The following PRDM1 variants were observed in gnomAD, a reference collection of about 807,000 sequenced individuals.
PRDM1 encodes PR/SET domain 1.
A neutral mutation model predicts 62.8 loss-of-function variants in PRDM1; 13 were observed. That is an observed-to-expected ratio of 0.21 (90% CI 0.13 to 0.33). The LOEUF is 0.33. Ranked by LOEUF, PRDM1 falls within the 10% of genes least tolerant of loss-of-function variation. PRDM1 has a pLI of 1.00. For synonymous variants in PRDM1, 396 were observed against 417.6 expected, an observed-to-expected ratio of 0.95 and a Z score of 0.63; for missense variants, 895 against 1,058.8, an observed-to-expected ratio of 0.85 and a Z score of 2.15.
intron 1 of PRDM1, among the ~76,000 whole-genome samples, chr6:106,035,456 C>T (rs1047161132): frequency 2.6e-5 from 4 of 152,004 alleles, no homozygotes; most frequent in African/African-American, 9.7e-5. Flanking sequence ...ACCCCCCTCC[C>T]CGTCTCTATA....
At chr6:106,077,218 T>G (rs1196204640) in intron 1 of PRDM1, among the ~76,000 whole-genome samples, 2 of 152,210 alleles carry the variant, frequency 1.3e-5, no homozygotes, top group East Asian at 3.9e-4. Flanking sequence ...CCTTCACAGA[T>G]GGGAGCTGAG....
intron 1 of PRDM1, among the ~76,000 whole-genome samples, chr6:105,999,097 C>T (rs1278900900): frequency 6.6e-6 from 1 of 151,718 alleles, no homozygotes; most frequent in African/African-American, 2.4e-5. Context: ...GCCACCATAC[C>T]CAGCTAATTT....
At chr6:106,026,908 C>T (rs1772773985) in intron 1 of PRDM1, among the ~76,000 whole-genome samples, 1 of 152,206 alleles carries the variant, frequency 6.6e-6, no homozygotes, top group South Asian at 2.1e-4. Flanking sequence ...AAACGAGTCA[C>T]AGCAGTAAGT....
chr6:105,998,866 C>A, intron 1 of PRDM1, among the ~76,000 whole-genome samples: 1 of 146,106 alleles, frequency 6.8e-6, no homozygotes. Flanking sequence ...TATTGTTTTG[C>A]ATTGGGATTT....
intron 1 of PRDM1, among the ~76,000 whole-genome samples, chr6:106,017,927 T>C (rs1772643842): frequency 6.6e-6 from 1 of 152,104 alleles, no homozygotes; most frequent in African/African-American, 2.4e-5. Flanking sequence ...CCTCTGGCTT[T>C]TGGAGAAATG....
At chr6:106,004,313 A>G (rs368480297) in intron 1 of PRDM1, among the ~76,000 whole-genome samples, 1 of 152,188 alleles carries the variant, frequency 6.6e-6, no homozygotes, top group Admixed American at 6.5e-5. Context: ...TAGAAAAAAA[A>G]CAGTAACATA....
chr6:106,090,077 G>T (rs541690087), intron 2 of PRDM1, among the ~76,000 whole-genome samples: 51 of 152,328 alleles, frequency 3.3e-4, no homozygotes, highest in African/African-American at 1.2e-3. Context: ...GGTTCAGAAA[G>T]ACAGTCACTT....
intron 1 of PRDM1, among the ~76,000 whole-genome samples, chr6:106,073,756 G>T (rs1260101966): frequency 9.2e-5 from 14 of 152,182 alleles, no homozygotes; most frequent in Non-Finnish European, 1.5e-4. Context: ...GAGGAGGGAG[G>T]CCTGGCTATA....
At chr6:106,076,611 T>C (rs1358363368) in intron 1 of PRDM1, among the ~76,000 whole-genome samples, 6 of 152,198 alleles carry the variant, frequency 3.9e-5, no homozygotes, top group Non-Finnish European at 4.4e-5. Flanking sequence ...TCTGAATTAA[T>C]ATTATATGAG....
intron 1 of PRDM1, among the ~76,000 whole-genome samples, chr6:105,999,327 G>A (rs1053850679): frequency 2.5e-4 from 38 of 151,992 alleles, no homozygotes; most frequent in African/African-American, 8.5e-4. Flanking sequence ...GAGGCAAGGT[G>A]GGAGGATCAC....
chr6:106,104,454 G>A (rs6902386), intron 4 of PRDM1, among the ~76,000 whole-genome samples: 5,920 of 152,158 alleles, frequency 0.039, 355 homozygotes, highest in African/African-American at 0.13. Flanking sequence ...CAGGTGATCC[G>A]CCCACCTCGG....
intron 1 of PRDM1, among the ~76,000 whole-genome samples, chr6:106,037,796 T>C (rs1490870645): frequency 6.6e-6 from 1 of 151,958 alleles, no homozygotes; most frequent in Non-Finnish European, 1.5e-5. Flanking sequence ...TCTTTGAGCA[T>C]ATTTAAGACT....
At chr6:106,011,529 G>A (rs1772548546) in intron 1 of PRDM1, among the ~76,000 whole-genome samples, 1 of 152,166 alleles carries the variant, frequency 6.6e-6, no homozygotes, top group Non-Finnish European at 1.5e-5. Context: ...AGCCTTGGGA[G>A]TGTGAGGAGC....
chr6:106,000,172 C>G (rs1014794351), intron 1 of PRDM1, among the ~76,000 whole-genome samples: 3 of 152,166 alleles, frequency 2.0e-5, no homozygotes, highest in Non-Finnish European at 4.4e-5. Context: ...TCAACTATAC[C>G]AAAAAACTAT....
In PRDM1 at chr6:106,087,583, T is replaced by C. The variant is rs138598744; in HGVS notation, c.43-618T>C. On this transcript the variant is annotated intron_variant, in intron 1 of 6. Transcript: ENST00000369096. ...AGTGATGCTGGCAGGATGCAACCCT[T>C]TTCAGTCTTCCATGTGAGAGGATGA... 405 of 232,540 alleles carry C rather than the reference T, an allele frequency of 1.7e-3. 2 individuals are homozygous for C. The highest frequency in any genetic ancestry group is 8.2e-3 in the African/African-American group (374 of 45,398). 14.4% of individuals were successfully genotyped at this position (232,540 alleles called of 1,614,324 possible).
At chr6:106,096,043 C>T (rs577396491) in intron 3 of PRDM1, 152 of 244,378 alleles carry the variant, frequency 6.2e-4, no homozygotes, top group African/African-American at 3.1e-3. Flanking sequence ...TGCATTTCTC[C>T]GCAAGGAAGT....
intron 1 of PRDM1, among the ~76,000 whole-genome samples, chr6:106,035,268 T>C (rs1029368786): frequency 2.6e-5 from 4 of 152,252 alleles, no homozygotes; most frequent in Non-Finnish European, 5.9e-5. Context: ...ATCTTATTGC[T>C]GTATTGAGCC....
chr6:106,103,225 A>G (rs1169195376), intron 4 of PRDM1, among the ~76,000 whole-genome samples: 1 of 152,084 alleles, frequency 6.6e-6, no homozygotes, highest in Non-Finnish European at 1.5e-5. Flanking sequence ...CTGGCAGGAG[A>G]TAACATTCTC....
At chr6:106,095,901 C>G (rs1248877916) in intron 3 of PRDM1, 167 bp downstream of exon 3, 10 of 709,192 alleles carry the variant, frequency 1.4e-5, no homozygotes, top group Admixed American at 2.9e-5. Flanking sequence ...GTGATGAAAC[C>G]GATGAAATGT....
Sources: gnomAD v4.1 joint callset for allele counts (sites outside exome capture counted in the v4.1 genomes callset) on GRCh38, gnomAD v4.1.1 for gene constraint, MANE v1.5 for transcripts, NCBI Gene and HGNC (gene_info 2026-07-23, HGNC 2026-07-21) for gene names.